Variants in BSDC1 observed in about 807,000 individuals in gnomAD.
BSDC1 encodes BSD domain-containing protein 1.
A neutral mutation model predicts 56.0 loss-of-function variants in BSDC1; 29 were observed. The observed-to-expected ratio is 0.52, with a 90% CI of 0.39 to 0.71. BSDC1 has a LOEUF of 0.71. Ranked by LOEUF, BSDC1 falls within the 30% of genes least tolerant of loss-of-function variation. The pLI is 0.00. For missense variants in BSDC1, 477 were observed against 548.5 expected, an observed-to-expected ratio of 0.87 and a Z score of 1.30; for synonymous variants, 210 against 215.3, an observed-to-expected ratio of 0.98 and a Z score of 0.21.
intron 4 of BSDC1, among the ~76,000 whole-genome samples, chr1:32,382,383 C>G (rs1402469314): frequency 6.6e-6 from 1 of 151,460 alleles, no homozygotes; most frequent in Non-Finnish European, 1.5e-5. Context: ...GTGGGAGGAG[C>G]ACCTTAGGAG....
intron 4 of BSDC1, 130 bp downstream of exon 4, chr1:32,383,700 A>T (rs375473608): frequency 5.7e-6 from 4 of 702,400 alleles, no homozygotes; most frequent in East Asian, 2.7e-5. Flanking sequence ...GTATTTTCTG[A>T]TTTACTATTA....
chr1:32,383,141 AAAGACATT>A (rs1347664245), intron 4 of BSDC1, among the ~76,000 whole-genome samples: 2 of 152,170 alleles, frequency 1.3e-5, no homozygotes, highest in African/African-American at 4.8e-5. Flanking sequence ...GTAAGAATTT[AAAGACATT>A]AAAAATTATG....
At chr1:32,384,835 C>T (rs1557652477) in intron 3 of BSDC1, among the ~76,000 whole-genome samples, 1 of 151,122 alleles carries the variant, frequency 6.6e-6, no homozygotes. Context: ...CATATTGTTA[C>T]AGGTAACAAT....
chr1:32,382,292 G>A (rs1047782654), intron 4 of BSDC1, among the ~76,000 whole-genome samples: 5 of 151,454 alleles, frequency 3.3e-5, no homozygotes, highest in Admixed American at 2.0e-4. Flanking sequence ...GGCAACATGG[G>A]GAAACCCTAT....
chr1:32,394,338 T>C (rs920051343), intron 1 of BSDC1, 66 bp downstream of exon 1: 1 of 1,613,168 alleles, frequency 6.2e-7, no homozygotes, highest in Non-Finnish European at 8.5e-7. Flanking sequence ...ACCGGGACTC[T>C]CGCCCAGCAC....
rs901884635 is a variant in BSDC1, at chr1:32,381,201, G to T, written c.412+13C>A. The T allele has an allele frequency of 5.0e-6, 8 of 1,613,486 alleles. No homozygotes were observed. Among genetic ancestry groups the T allele is most frequent in the African/African-American group, 1.3e-5 (1 of 74,898 alleles). ...TGCCCTACAAGCCCACCCGCTCAGT[G>T]CTACCCTCTCACCATCTGGTTCATT... is the stretch of plus-strand genomic sequence containing the variant. On this transcript the variant is annotated intron_variant, in intron 5 of 10. Coordinates refer to ENST00000455895, the MANE Select transcript of BSDC1 (RefSeq NM_018045.8).
chr1:32,388,561 C>A (rs746964474), intron 2 of BSDC1, among the ~76,000 whole-genome samples: 1 of 152,172 alleles, frequency 6.6e-6, no homozygotes, highest in Non-Finnish European at 1.5e-5. Context: ...TCTGTCAGGG[C>A]AGACCGTGCT....
chr1:32,380,781 T>TAAG (rs1481513763), intron 5 of BSDC1, among the ~76,000 whole-genome samples: 1 of 152,252 alleles, frequency 6.6e-6, no homozygotes, highest in Non-Finnish European at 1.5e-5. Context: ...TGCTGCTCTC[T>TAAG]AGTATTTCTA....
At chr1:32,381,724 A>C (rs1005914155) in intron 4 of BSDC1, among the ~76,000 whole-genome samples, 10 of 152,222 alleles carry the variant, frequency 6.6e-5, no homozygotes, top group African/African-American at 2.4e-4. Context: ...ACAGGGTGGC[A>C]AACTTAGCTG....
At chr1:32,392,116 G>C (rs1220777701) in intron 2 of BSDC1, among the ~76,000 whole-genome samples, 1 of 152,170 alleles carries the variant, frequency 6.6e-6, no homozygotes, top group African/African-American at 2.4e-5. Flanking sequence ...CGGATCACCT[G>C]AGGTCAGGAG....
intron 4 of BSDC1, among the ~76,000 whole-genome samples, chr1:32,382,842 C>T (rs1458037512): frequency 1.4e-5 from 2 of 142,572 alleles, no homozygotes; most frequent in Non-Finnish European, 1.5e-5. Context: ...CGCACTCCAG[C>T]CTGGGTGACA....
At chr1:32,394,023 T>G in intron 2 of BSDC1, 57 bp downstream of exon 2, 1 of 1,558,870 alleles carries the variant, frequency 6.4e-7, no homozygotes, top group Non-Finnish European at 8.7e-7. Context: ...TTGGACCAGG[T>G]TGCATTGAGG....
intron 4 of BSDC1, among the ~76,000 whole-genome samples, chr1:32,382,517 C>G (rs369915897): frequency 6.6e-6 from 1 of 151,130 alleles, no homozygotes; most frequent in South Asian, 2.1e-4. Flanking sequence ...GAGGGCCCAA[C>G]TGCCATGACA....
In BSDC1 at chr1:32,366,417, A is replaced by T. The variant is rs1186598775; in HGVS notation, c.*205T>A. 1.4e-6 allele frequency: 1 copy of T among 706,202 alleles called. No individual in the cohort carries two copies. Among genetic ancestry groups the T allele is most frequent in the Non-Finnish European group, 2.6e-6 (1 of 386,268 alleles). 43.7% of individuals were successfully genotyped at this position (706,202 alleles called of 1,614,324 possible). A position where few individuals can be genotyped will look rare whatever the true frequency, so the allele number is the denominator to read the frequency against. ...TCATCCTATTGTTGGCACAAGTCAG[A>T]GTTTCTGGCCGGGATTTAGAGAGCC... On this transcript the variant is annotated 3_prime_UTR_variant, in exon 11 of 11. Coordinates refer to ENST00000455895, the MANE Select transcript of BSDC1 (RefSeq NM_018045.8).
At chr1:32,393,754 C>T (rs1642948300) in intron 2 of BSDC1, 3 of 355,800 alleles carry the variant, frequency 8.4e-6, no homozygotes, top group Non-Finnish European at 1.6e-5. Flanking sequence ...AGAATCTTTT[C>T]CTTCAAGACC....
chr1:32,381,744 A>G (rs1242072174), intron 4 of BSDC1, among the ~76,000 whole-genome samples: 1 of 152,226 alleles, frequency 6.6e-6, no homozygotes, highest in Non-Finnish European at 1.5e-5. Flanking sequence ...GGCAAAGACA[A>G]AGTCCACCTT....
Position 32,377,092 on chromosome 1 carries a change from C to T in BSDC1, c.677-351G>A, listed in dbSNP as rs531072068. Among the ~76,000 whole-genome samples the T allele has an allele frequency of 2.5e-3, 385 of 152,124 alleles. 2 individuals carry two copies. The highest frequency in any genetic ancestry group is 3.9e-3 in the Non-Finnish European group (267 of 67,970). On this transcript the variant is annotated intron_variant, in intron 8 of 10. Transcript: ENST00000455895. Reference sequence around the variant, plus strand: ...CGGTGGTTGCAGTGGGCGGAGATTGCGCCACTGCACTCCAGCCTGGATGAC... The same window carrying T: ...CGGTGGTTGCAGTGGGCGGAGATTGTGCCACTGCACTCCAGCCTGGATGAC...
At chr1:32,375,998 CAT>C (rs1401362435) in intron 9 of BSDC1, among the ~76,000 whole-genome samples, 1 of 152,178 alleles carries the variant, frequency 6.6e-6, no homozygotes, top group African/African-American at 2.4e-5. Context: ...TGCCATATAA[CAT>C]ATTTAGCATG....
chr1:32,378,322 G>C lies in BSDC1; in HGVS notation c.529-39C>G, dbSNP rs373402760. Reference sequence around the variant, plus strand: ...AAAATGGAGGTGAGACTTTGGGAGTGTTTGTGTGGGGTCTGTGTCCCCAGC... The same window carrying C: ...AAAATGGAGGTGAGACTTTGGGAGTCTTTGTGTGGGGTCTGTGTCCCCAGC... On this transcript the variant is annotated intron_variant, in intron 6 of 10. Coordinates refer to ENST00000455895, the MANE Select transcript of BSDC1 (RefSeq NM_018045.8). This position sits in a 1 kb window ranked among gnomAD's most constrained non-coding sequence, Gnocchi z 5.2. The C allele has an allele frequency of 6.2e-4, 979 of 1,591,740 alleles. 10 individuals are homozygous for C. The highest frequency in any genetic ancestry group is 2.8e-3 in the Middle Eastern group (17 of 6,018).
Sources: gnomAD v4.1 joint callset for allele counts (sites outside exome capture counted in the v4.1 genomes callset) on GRCh38, gnomAD v4.1.1 for gene constraint, Gnocchi (gnomAD v3.1) non-coding constraint, MANE v1.5 for transcripts, NCBI Gene and HGNC (gene_info 2026-07-23, HGNC 2026-07-21) for gene names.